Variants in STK10 observed in about 807,000 individuals in gnomAD.
STK10 encodes the protein serine/threonine kinase 10, also known as serine/threonine-protein kinase 10.
In STK10, 78 loss-of-function variants were observed where a neutral mutation model predicts 113.8. That is an observed-to-expected ratio of 0.69 (90% CI 0.57 to 0.83). STK10 has a LOEUF of 0.83. Among genes scored for constraint, STK10 ranks in the 40% least tolerant of loss-of-function variants. The probability of loss-of-function intolerance (pLI) is 0.00; values close to 1 mark genes in which losing one functional copy is unlikely to be tolerated. For missense variants in STK10, 1,109 were observed against 1,280.1 expected (o/e 0.87, Z 2.04); for synonymous variants, 465 against 494.7 (o/e 0.94, Z 0.80).
At chr5:172,051,561 G>T (rs1767628709) in intron 18 of STK10, among the ~76,000 whole-genome samples, 1 of 152,218 alleles carries the variant, frequency 6.6e-6, no homozygotes. Context: ...GGAGGCAGAG[G>T]TTGCAGTGAG....
chr5:172,102,944 C>A (rs11134728), intron 7 of STK10, among the ~76,000 whole-genome samples: 105,251 of 149,738 alleles, frequency 0.7, 37,395 homozygotes, highest in East Asian at 0.85. Context: ...CGGGGCATGG[C>A]ATGTCTGATT....
At position 172,187,807 on chromosome 5, in the gene STK10, G is replaced by A. The variant is rs1164218247; in HGVS notation, c.156+80C>T. On this transcript the variant is annotated intron_variant, in intron 1 of 18. Coordinates refer to ENST00000176763, the MANE Select transcript of STK10 (RefSeq NM_005990.4). This position sits in a 1 kb window ranked among gnomAD's most constrained non-coding sequence, Gnocchi z 4.6. ...GGGCAGCCCTCGGAGCCGGAGCCAG[G>A]CTGGCCGGGTCCGGCTCAGGCATCC... 1 of 1,554,188 alleles carries A rather than the reference G, an allele frequency of 6.4e-7. No individual in the cohort carries two copies. The highest frequency in any genetic ancestry group is 8.7e-7 in the Non-Finnish European group (1 of 1,148,988).
chr5:172,096,598 G>C (rs761418408), intron 7 of STK10, 38 bp from the exon 8 acceptor site: 3 of 1,606,028 alleles, frequency 1.9e-6, no homozygotes, highest in Non-Finnish European at 2.5e-6. Context: ...GAACCACTCT[G>C]GGGTCACGGT....
rs80206531 is a variant in STK10 at position 172,049,039 on chromosome 5, G to C, written c.2766+3890C>G. 1.4e-3 allele frequency among the ~76,000 whole-genome samples: 211 copies of C among 152,124 alleles called. 1 individual carries two copies. The highest frequency in any genetic ancestry group is 4.8e-3 in the African/African-American group (198 of 41,490). On this transcript the variant is annotated intron_variant, in intron 18 of 18. Transcript: ENST00000176763. ...TCTTGGCTCAGATGTCATCTTCTTA[G>C]ACGACATCTTCCTGCCACACCGTCT...
chr5:172,131,179 G>A (rs1025494159), intron 2 of STK10, among the ~76,000 whole-genome samples: 40 of 151,786 alleles, frequency 2.6e-4, no homozygotes, highest in Non-Finnish European at 4.9e-4. Flanking sequence ...GACTACAGGC[G>A]CCCGCCACCA....
chr5:172,105,259 C>G (rs1425045193), intron 7 of STK10, among the ~76,000 whole-genome samples: 3 of 150,746 alleles, frequency 2.0e-5, no homozygotes, highest in Non-Finnish European at 2.9e-5. Flanking sequence ...ACTGGCCTTG[C>G]TCCTTCCCTT....
chr5:172,170,843 G>A (rs1376488342), intron 1 of STK10, among the ~76,000 whole-genome samples: 2 of 152,284 alleles, frequency 1.3e-5, no homozygotes, highest in East Asian at 1.9e-4. Flanking sequence ...GCAGGGGACC[G>A]CTCCCACCTT....
At chr5:172,144,156 G>C (rs1770035374) in intron 2 of STK10, among the ~76,000 whole-genome samples, 1 of 152,220 alleles carries the variant, frequency 6.6e-6, no homozygotes, top group South Asian at 2.1e-4. Flanking sequence ...GTGGGGGAAG[G>C]GGCTTCCCCA....
chr5:172,094,426 C>A (rs1418886578), intron 8 of STK10, among the ~76,000 whole-genome samples: 2 of 151,806 alleles, frequency 1.3e-5, no homozygotes, highest in African/African-American at 4.8e-5. Context: ...GTAGTGGTGC[C>A]ATCTTGGCTC....
At chr5:172,158,331 T>G (rs1032855932) in intron 1 of STK10, among the ~76,000 whole-genome samples, 4 of 151,388 alleles carry the variant, frequency 2.6e-5, no homozygotes, top group African/African-American at 9.7e-5. Flanking sequence ...TATATACTCA[T>G]AGCAGCCAAA....
chr5:172,137,677 G>A (rs1191759120), intron 2 of STK10, among the ~76,000 whole-genome samples: 4 of 148,242 alleles, frequency 2.7e-5, no homozygotes, highest in East Asian at 2.0e-4. Context: ...TCAGGAGATC[G>A]AGACCATCCT....
intron 2 of STK10, among the ~76,000 whole-genome samples, chr5:172,134,971 G>T (rs1769822592): frequency 6.6e-6 from 1 of 150,780 alleles, no homozygotes; most frequent in Non-Finnish European, 1.5e-5. Context: ...GAAAATATTT[G>T]CAAATCATAT....
intron 7 of STK10, among the ~76,000 whole-genome samples, chr5:172,105,002 G>GA (rs760183621): frequency 4.6e-5 from 7 of 152,088 alleles, no homozygotes; most frequent in Non-Finnish European, 1.0e-4. Flanking sequence ...CTCCTCCTTG[G>GA]GCTGAGTTCT....
intron 2 of STK10, among the ~76,000 whole-genome samples, chr5:172,139,178 T>C (rs1372160710): frequency 2.0e-5 from 3 of 152,116 alleles, no homozygotes; most frequent in Non-Finnish European, 1.5e-5. Context: ...TTTACAGAAA[T>C]AGAAAAATCT....
chr5:172,099,883 C>T (rs546826192), intron 7 of STK10, among the ~76,000 whole-genome samples: 2 of 152,312 alleles, frequency 1.3e-5, no homozygotes, highest in East Asian at 3.9e-4. Flanking sequence ...CTTTTCAGCA[C>T]GGCCAGGAAC....
At chr5:172,153,199 T>A (rs915419393) in intron 2 of STK10, among the ~76,000 whole-genome samples, 3 of 151,914 alleles carry the variant, frequency 2.0e-5, no homozygotes, top group African/African-American at 7.3e-5. Context: ...GGCAAGAGAA[T>A]CTCTTGAACA....
chr5:172,124,925 AT>A (rs2113785609), intron 3 of STK10, among the ~76,000 whole-genome samples: 1 of 152,256 alleles, frequency 6.6e-6, no homozygotes, highest in Non-Finnish European at 1.5e-5. Flanking sequence ...ACTTTTTGCA[AT>A]TCACTATGCT....
intron 7 of STK10, chr5:172,105,430 C>T: frequency 1.7e-6 from 1 of 576,564 alleles, no homozygotes; most frequent in Non-Finnish European, 3.1e-6. Context: ...TGTATCCCCA[C>T]TGGAACACAC....
intron 2 of STK10, among the ~76,000 whole-genome samples, chr5:172,149,767 C>T (rs1040779262): frequency 2.0e-5 from 3 of 151,718 alleles, no homozygotes; most frequent in East Asian, 1.9e-4. Flanking sequence ...CTCCTTGGGC[C>T]GGGCGCGGTG....
Sources: gnomAD v4.1 joint callset for allele counts (sites outside exome capture counted in the v4.1 genomes callset) on GRCh38, gnomAD v4.1.1 for gene constraint, Gnocchi (gnomAD v3.1) non-coding constraint, MANE v1.5 for transcripts, NCBI Gene and HGNC (gene_info 2026-07-23, HGNC 2026-07-21) for gene names.